The following NEMP2 variants were observed in gnomAD, a reference collection of about 807,000 sequenced individuals.
NEMP2 encodes the protein UPF0571 transmembrane protein.
In NEMP2, 53 loss-of-function variants were observed where a neutral mutation model predicts 54.2. That is an observed-to-expected ratio of 0.98 (90% CI 0.78 to 1.23). The LOEUF (loss-of-function observed/expected upper bound fraction) is 1.23. Among genes scored for constraint, NEMP2 ranks in the 50% most tolerant of loss-of-function variants. NEMP2 has a pLI of 0.00. For synonymous variants in NEMP2, 197 were observed against 190.3 expected (o/e 1.04, Z -0.29); for missense variants, 455 against 511.3 (o/e 0.89, Z 1.06).
chr2:190,638,778 T>C, the NEMP2 span, among the ~76,000 whole-genome samples: 1 of 151,994 alleles, frequency 6.6e-6, no homozygotes, highest in Non-Finnish European at 1.5e-5. The surrounding 1 kb of genome is among the most constrained non-coding windows in gnomAD (Gnocchi z 5.7). Flanking sequence ...ATCTGCAAAA[T>C]GAAGAAAGAA....
chr2:190,501,081 C>T (rs1341804226), downstream of NEMP2: 1 of 152,120 alleles, frequency 6.6e-6, no homozygotes, highest in Admixed American at 6.5e-5. Flanking sequence ...AATTCAGGCT[C>T]TAATTAGCTG....
At chr2:190,563,908 G>A in the NEMP2 span, among the ~76,000 whole-genome samples, 6 of 152,248 alleles carry the variant, frequency 3.9e-5, no homozygotes, top group South Asian at 2.1e-4. The surrounding 1 kb of genome is among the most constrained non-coding windows in gnomAD (Gnocchi z 4.3). Context: ...CCCCAGGGGA[G>A]GCGGGGAGGC....
At chr2:190,448,156 T>G in the NEMP2 span, among the ~76,000 whole-genome samples, 1 of 152,282 alleles carries the variant, frequency 6.6e-6, no homozygotes, top group Non-Finnish European at 1.5e-5. Flanking sequence ...TCTAACAGGC[T>G]GAGGTGATGG....
intron 1 of NEMP2, 159 bp downstream of exon 1, chr2:190,534,400 G>C (rs1184110597): frequency 8.3e-7 from 1 of 1,211,304 alleles, no homozygotes; most frequent in Admixed American, 4.4e-5. Context: ...CAGGAAGGGC[G>C]GGCGGGGCCT....
At chr2:190,579,167 C>T in the NEMP2 span, among the ~76,000 whole-genome samples, 3 of 151,924 alleles carry the variant, frequency 2.0e-5, no homozygotes, top group Admixed American at 6.6e-5. Flanking sequence ...TGAAACCCTA[C>T]GATAGTACTT....
the NEMP2 span, among the ~76,000 whole-genome samples, chr2:190,440,113 C>T: frequency 6.6e-6 from 1 of 152,086 alleles, no homozygotes; most frequent in Non-Finnish European, 1.5e-5. Flanking sequence ...TTGTGGTTGT[C>T]CTGTTGGAAG....
At chr2:190,564,788 CA>C in the NEMP2 span, among the ~76,000 whole-genome samples, 1 of 152,280 alleles carries the variant, frequency 6.6e-6, no homozygotes, top group African/African-American at 2.4e-5. The surrounding 1 kb of genome is among the most constrained non-coding windows in gnomAD (Gnocchi z 4.2). Flanking sequence ...GCAGAATGAA[CA>C]CAGGCATATC....
At chr2:190,547,504 A>G in the NEMP2 span, among the ~76,000 whole-genome samples, 1 of 152,270 alleles carries the variant, frequency 6.6e-6, no homozygotes, top group Non-Finnish European at 1.5e-5. This position sits in a 1 kb window ranked among gnomAD's most constrained non-coding sequence, Gnocchi z 6.2. Flanking sequence ...TCAATTTCCT[A>G]AATAGCAAAA....
the NEMP2 span, among the ~76,000 whole-genome samples, chr2:190,474,966 C>T: frequency 9.8e-5 from 15 of 152,330 alleles, no homozygotes; most frequent in African/African-American, 3.6e-4. Flanking sequence ...AGACAAAAAT[C>T]ACATGATTAT....
At chr2:190,486,314 G>T in the NEMP2 span, among the ~76,000 whole-genome samples, 1 of 152,220 alleles carries the variant, frequency 6.6e-6, no homozygotes, top group African/African-American at 2.4e-5. Flanking sequence ...CCCTCACTCT[G>T]AATAGTGTCT....
chr2:190,605,915 C>G, the NEMP2 span, among the ~76,000 whole-genome samples: 2 of 152,184 alleles, frequency 1.3e-5, no homozygotes, highest in African/African-American at 4.8e-5. Context: ...CTTGGCCCCA[C>G]TAAAGTGAGA....
chr2:190,473,586 C>G, the NEMP2 span, among the ~76,000 whole-genome samples: 94 of 152,262 alleles, frequency 6.2e-4, no homozygotes, highest in South Asian at 0.018. Flanking sequence ...TCCTTAGAGA[C>G]CTACAAAGAG....
chr2:190,513,289 A>G lies in NEMP2; in HGVS notation c.953+1164T>C, dbSNP rs190028424. 1.0e-3 allele frequency among the ~76,000 whole-genome samples: 153 copies of G among 152,186 alleles called. No homozygotes were observed. Among genetic ancestry groups the G allele is most frequent in the African/African-American group, 3.5e-3 (145 of 41,512 alleles). The stretch of plus-strand genomic sequence containing the variant: ...ATTCTAATCGTAATTCCCATTTCCA[A>G]TTTTTCTAGAAAACCAGCAGATCTG... On this transcript the variant is annotated intron_variant, in intron 7 of 8. Coordinates refer to ENST00000409150, the MANE Select transcript of NEMP2 (RefSeq NM_001142645.2). This position sits in a 1 kb window ranked among gnomAD's most constrained non-coding sequence, Gnocchi z 5.3.
the NEMP2 span, among the ~76,000 whole-genome samples, chr2:190,644,077 T>G: frequency 6.6e-6 from 1 of 151,972 alleles, no homozygotes; most frequent in African/African-American, 2.4e-5. This position sits in a 1 kb window ranked among gnomAD's most constrained non-coding sequence, Gnocchi z 4.4. Context: ...AAGATAACCA[T>G]AAAAACAAAT....
chr2:190,556,413 C>T, the NEMP2 span, among the ~76,000 whole-genome samples: 893 of 152,210 alleles, frequency 5.9e-3, 11 homozygotes, highest in African/African-American at 0.02. Flanking sequence ...CTTTGAAAAC[C>T]GGCACAAGAC....
the NEMP2 span, among the ~76,000 whole-genome samples, chr2:190,471,619 C>T: frequency 6.6e-6 from 1 of 152,204 alleles, no homozygotes; most frequent in Non-Finnish European, 1.5e-5. The surrounding 1 kb of genome is among the most constrained non-coding windows in gnomAD (Gnocchi z 4.7). Flanking sequence ...GTGGAGCCCA[C>T]CACAGCTCAA....
chr2:190,474,803 T>C, the NEMP2 span, among the ~76,000 whole-genome samples: 2 of 152,166 alleles, frequency 1.3e-5, no homozygotes, highest in Non-Finnish European at 2.9e-5. Context: ...TGAAGATAGA[T>C]GCAAAAATCC....
chr2:190,478,123 G>A, the NEMP2 span, among the ~76,000 whole-genome samples: 1 of 152,162 alleles, frequency 6.6e-6, no homozygotes, highest in Non-Finnish European at 1.5e-5. Flanking sequence ...TTAGGGAGCT[G>A]GCCATGTTCT....
chr2:190,546,712 C>T, the NEMP2 span, among the ~76,000 whole-genome samples: 1 of 152,214 alleles, frequency 6.6e-6, no homozygotes, highest in Non-Finnish European at 1.5e-5. The surrounding 1 kb of genome is among the most constrained non-coding windows in gnomAD (Gnocchi z 5.1). Context: ...AGGTCCTGTC[C>T]TTAGCAATAG....
Sources: allele counts gnomAD v4.1 joint callset (sites outside exome capture counted in the v4.1 genomes callset), GRCh38; gene constraint gnomAD v4.1.1; non-coding constraint Gnocchi (gnomAD v3.1); transcripts MANE v1.5; gene names NCBI Gene and HGNC (gene_info 2026-07-23, HGNC 2026-07-21).